VEGFC: variants seen among roughly 807,000 people sequenced by gnomAD.
The protein encoded by VEGFC is vascular endothelial growth factor C.
Under a neutral mutation model 46.1 loss-of-function variants are expected in VEGFC, and 12 were observed. The ratio of observed to expected loss-of-function variants is 0.26; its 90% CI spans 0.17 to 0.42. VEGFC has a LOEUF of 0.42. VEGFC is among the 10% of genes least tolerant of loss of function. The pLI, the probability that VEGFC is intolerant of heterozygous loss-of-function variation, is 1.00. For missense variants in VEGFC, 488 were observed against 529.4 expected, an observed-to-expected ratio of 0.92 and a Z score of 0.77; for synonymous variants, 232 against 195.5, an observed-to-expected ratio of 1.19 and a Z score of -1.56.
intron 1 of VEGFC, among the ~76,000 whole-genome samples, chr4:176,772,139 A>G (rs1490544176): frequency 6.6e-6 from 1 of 152,234 alleles, no homozygotes; most frequent in Non-Finnish European, 1.5e-5. Flanking sequence ...ATTACAGAGT[A>G]AAAGTGAAAT....
At position 176,792,808 on chromosome 4, in the gene VEGFC, A is replaced by AGGGCGGCG. The variant is rs527551954; in HGVS notation, c.-505_-498dup. 8,310 of 143,334 alleles carry AGGGCGGCG rather than the reference A, an allele frequency of 0.058. 477 individuals are homozygous for AGGGCGGCG. Among genetic ancestry groups the AGGGCGGCG allele is most frequent in the African/African-American group, 0.13 (5,287 of 39,582 alleles). The allele number at this position is 143,334 out of a possible 1,614,324, so 8.9% of individuals were successfully genotyped here. A position where few individuals can be genotyped will look rare whatever the true frequency, so the allele number is the denominator to read the frequency against. ...TGGCGGCGGTGCCGGGGGCGGGAGG[A>AGGGCGGCG]GGGCGGCGGGGCGGCTGGCGGCGGC... On this transcript the variant is annotated 5_prime_UTR_variant, in exon 1 of 7. It removes the in-frame stop codon of an upstream open reading frame in the 5' UTR. Coordinates refer to ENST00000618562, the MANE Select transcript of VEGFC (RefSeq NM_005429.5). The surrounding 1 kb of genome is among the most constrained non-coding windows in gnomAD (Gnocchi z 6.3).
intron 1 of VEGFC, among the ~76,000 whole-genome samples, chr4:176,769,589 C>G (rs2110924784): frequency 6.6e-6 from 1 of 152,202 alleles, no homozygotes; most frequent in Non-Finnish European, 1.5e-5. Context: ...CCTTTGGTCA[C>G]AAAACCTCAA....
intron 3 of VEGFC, among the ~76,000 whole-genome samples, chr4:176,727,189 A>G (rs1335140602): frequency 6.6e-6 from 1 of 152,160 alleles, no homozygotes; most frequent in African/African-American, 2.4e-5. Flanking sequence ...CTTAAGAGAC[A>G]TTTCCTGGTT....
intron 4 of VEGFC, among the ~76,000 whole-genome samples, chr4:176,698,061 C>A (rs1275990758): frequency 6.6e-6 from 1 of 151,716 alleles, no homozygotes. Context: ...GTGCAGCACA[C>A]CAGCATGGCA....
intron 1 of VEGFC, among the ~76,000 whole-genome samples, chr4:176,769,546 G>T (rs1735688433): frequency 6.6e-6 from 1 of 151,998 alleles, no homozygotes; most frequent in Non-Finnish European, 1.5e-5. Flanking sequence ...TTAATAAATG[G>T]CTATTTAGAT....
At chr4:176,702,748 T>C (rs1734455402) in intron 4 of VEGFC, among the ~76,000 whole-genome samples, 2 of 152,100 alleles carry the variant, frequency 1.3e-5, no homozygotes. Context: ...CTATTTGACA[T>C]CACTCTCTCC....
intron 1 of VEGFC, among the ~76,000 whole-genome samples, chr4:176,758,918 T>C (rs1473979357): frequency 3.3e-5 from 5 of 152,162 alleles, no homozygotes; most frequent in Non-Finnish European, 7.3e-5. Flanking sequence ...TTTGCTCAGC[T>C]GTATCCTTGG....
intron 1 of VEGFC, among the ~76,000 whole-genome samples, chr4:176,738,058 C>T (rs1735086028): frequency 6.6e-6 from 1 of 151,998 alleles, no homozygotes; most frequent in South Asian, 2.1e-4. Context: ...AGAGAGGACA[C>T]AAGCAAATGG....
intron 4 of VEGFC, among the ~76,000 whole-genome samples, chr4:176,701,943 G>A (rs1235049487): frequency 1.3e-5 from 2 of 152,056 alleles, no homozygotes; most frequent in Non-Finnish European, 2.9e-5. Context: ...AGGCTATTTT[G>A]CTTCATTGTC....
intron 4 of VEGFC, among the ~76,000 whole-genome samples, chr4:176,695,164 C>T (rs1354517098): frequency 6.6e-6 from 1 of 151,772 alleles, no homozygotes; most frequent in African/African-American, 2.4e-5. Flanking sequence ...ACACAAAAAA[C>T]CCTTCAAAAA....
chr4:176,755,545 G>A lies in VEGFC; in HGVS notation c.148-25799C>T, dbSNP rs78063963. 3.3e-5 allele frequency among the ~76,000 whole-genome samples: 5 copies of A among 151,894 alleles called. No homozygotes were observed. In the East Asian group the frequency reaches 9.7e-4, roughly 29 times the overall value. On this transcript the variant is annotated intron_variant, in intron 1 of 6. Coordinates refer to ENST00000618562, the MANE Select transcript of VEGFC (RefSeq NM_005429.5). ...TCCTGTCTCATTTTACCATTTTCCT[G>A]CCAAAGTGCCCTGGGATTGCCTCCC...
chr4:176,751,742 G>A (rs2110895685), intron 1 of VEGFC, among the ~76,000 whole-genome samples: 1 of 151,698 alleles, frequency 6.6e-6, no homozygotes, highest in Non-Finnish European at 1.5e-5. Context: ...TAAAAAAAAA[G>A]CATAAAAATA....
intron 1 of VEGFC, among the ~76,000 whole-genome samples, chr4:176,776,554 C>T (rs1000616460): frequency 6.6e-6 from 1 of 152,222 alleles, no homozygotes; most frequent in Non-Finnish European, 1.5e-5. Context: ...GTAGAAGCAG[C>T]ACAACTGTGC....
At chr4:176,742,582 T>C (rs1735194459) in intron 1 of VEGFC, among the ~76,000 whole-genome samples, 1 of 152,056 alleles carries the variant, frequency 6.6e-6, no homozygotes, top group African/African-American at 2.4e-5. Context: ...CTTTACTTTT[T>C]CATCCACCCT....
At position 176,727,968 on chromosome 4, in the gene VEGFC, C is replaced by T; in HGVS notation, c.362G>A (p.Ser121Asn). ...AGTCTTTCTCCACTCATTATCAATACCTGTCAAGTCATAGGGAAATCAGTA... is the reference window on the plus strand; with the variant it reads ...AGTCTTTCTCCACTCATTATCAATATCTGTCAAGTCATAGGGAAATCAGTA... The part of the protein sequence containing the change: ...AAHYNTEILK[S>N]IDNEWRKTQC... Residue 121 changes from serine to asparagine, a missense_variant and splice_region_variant, in exon 3 of 7, where the codon AGT (serine) becomes AAT (asparagine). Coordinates refer to ENST00000618562, the MANE Select transcript of VEGFC (RefSeq NM_005429.5). 6.3e-7 allele frequency: 1 copy of T among 1,597,010 alleles called. No homozygotes were observed. Among genetic ancestry groups the T allele is most frequent in the Non-Finnish European group, 8.5e-7 (1 of 1,169,720 alleles).
chr4:176,768,148 G>A (rs1735661627), intron 1 of VEGFC, among the ~76,000 whole-genome samples: 1 of 152,122 alleles, frequency 6.6e-6, no homozygotes, highest in Non-Finnish European at 1.5e-5. Flanking sequence ...AACTGGGAAT[G>A]TTTAAATTTG....
intron 2 of VEGFC, among the ~76,000 whole-genome samples, chr4:176,729,292 T>C (rs1000781512): frequency 6.6e-6 from 1 of 152,190 alleles, no homozygotes; most frequent in African/African-American, 2.4e-5. Flanking sequence ...GGCTATCACC[T>C]GAAAAAATAA....
At chr4:176,719,739 C>A (rs1734752271) in intron 3 of VEGFC, among the ~76,000 whole-genome samples, 1 of 152,098 alleles carries the variant, frequency 6.6e-6, no homozygotes, top group Admixed American at 6.5e-5. Flanking sequence ...AATGGGTGTA[C>A]CACATGCACT....
chr4:176,739,342 T>A (rs1001759289), intron 1 of VEGFC, among the ~76,000 whole-genome samples: 22 of 151,440 alleles, frequency 1.5e-4, no homozygotes, highest in African/African-American at 4.8e-4. Context: ...TATTACAAAA[T>A]CATTGCCCAT....
Sources: gnomAD v4.1 joint callset for allele counts (sites outside exome capture counted in the v4.1 genomes callset) on GRCh38, gnomAD v4.1.1 for gene constraint, Gnocchi (gnomAD v3.1) non-coding constraint, MANE v1.5 for transcripts, NCBI Gene and HGNC (gene_info 2026-07-23, HGNC 2026-07-21) for gene names.